The following MINAR1 variants were observed in gnomAD, a reference collection of about 807,000 sequenced individuals.
MINAR1 encodes major intrinsically disordered Notch2-binding receptor 1.
In MINAR1, 40 loss-of-function variants were observed where a neutral mutation model predicts 65.1. The observed-to-expected ratio is 0.61, with a 90% CI of 0.48 to 0.80. The LOEUF (loss-of-function observed/expected upper bound fraction) is 0.80. Among genes scored for constraint, MINAR1 ranks in the 30% least tolerant of loss-of-function variants. MINAR1 has a pLI of 0.00. For missense variants in MINAR1, 1,128 were observed against 1,148.0 expected (o/e 0.98, Z 0.25); for synonymous variants, 482 against 449.1 (o/e 1.07, Z -0.93).
At position 79,457,288 on chromosome 15, in the gene MINAR1, C is replaced by T. The variant is rs373558330; in HGVS notation, c.1141C>T (p.Arg381Trp). 1.7e-5 allele frequency: 27 copies of T among 1,614,028 alleles called. No homozygotes were observed. Among genetic ancestry groups the T allele is most frequent in the Admixed American group, 8.3e-5 (5 of 60,002 alleles). The stretch of plus-strand genomic sequence containing the variant: ...CACAGAGGAAGTTCCTGACTTTGAA[C>T]GGTCCTTTTTCAATAGAAATCCCTC... ...LNTEEVPDFE[R>W]SFFNRNPSEE... Residue 381 changes from arginine (R) to tryptophan (W), a missense_variant, in exon 2 of 4, where the codon CGG becomes TGG. Coordinates refer to ENST00000305428, the MANE Select transcript of MINAR1 (RefSeq NM_015206.3).
At chr15:79,431,042 A>T (rs1220254891), upstream of MINAR1, among the ~76,000 whole-genome samples, 2 of 152,156 alleles carry the variant, frequency 1.3e-5, no homozygotes, top group African/African-American at 4.8e-5. Context: ...GCGTCCCCCC[A>T]GGGCCTTTGC....
chr15:79,453,199 C>T (rs541211134), intron 1 of MINAR1, among the ~76,000 whole-genome samples: 37 of 152,174 alleles, frequency 2.4e-4, no homozygotes, highest in African/African-American at 8.7e-4. Flanking sequence ...CATGTAAGGC[C>T]TCAGCACATA....
At chr15:79,442,622 A>C (rs1233704713) in intron 1 of MINAR1, among the ~76,000 whole-genome samples, 1 of 151,654 alleles carries the variant, frequency 6.6e-6, no homozygotes, top group Non-Finnish European at 1.5e-5. Flanking sequence ...TTCCAACAAA[A>C]CATAAACAAT....
rs199885939 is a variant in MINAR1, at chr15:79,456,335, C to T, written c.188C>T (p.Thr63Met). 1.6e-5 allele frequency: 26 copies of T among 1,614,032 alleles called. No individual in the cohort carries two copies. The highest frequency in any genetic ancestry group is 3.3e-5 in the Admixed American group (2 of 60,006). Residue 63 changes from threonine (T) to methionine (M), a missense_variant, in exon 2 of 4, where the codon ACG (threonine) becomes ATG (methionine). Thr to Met is a moderately conservative substitution (Grantham distance 81). Coordinates refer to ENST00000305428, the MANE Select transcript of MINAR1 (RefSeq NM_015206.3). Reference protein sequence around the residue: ...TACLDPNFPATLFKDKMKCTV... With the variant: ...TACLDPNFPAMLFKDKMKCTV... Reference sequence around the variant, plus strand: ...TGTCTCGATCCCAATTTTCCAGCCACGCTATTCAAAGACAAGATGAAATGC... The same window carrying T: ...TGTCTCGATCCCAATTTTCCAGCCATGCTATTCAAAGACAAGATGAAATGC...
intron 3 of MINAR1, chr15:79,463,794 G>T: frequency 4.4e-6 from 2 of 454,696 alleles, no homozygotes; most frequent in Non-Finnish European, 8.9e-6. Context: ...TGTGAATGCA[G>T]TTGTGGCTGG....
At chr15:79,441,789 A>T (rs1894875550) in intron 1 of MINAR1, among the ~76,000 whole-genome samples, 1 of 152,122 alleles carries the variant, frequency 6.6e-6, no homozygotes. Context: ...AACCCTTAAT[A>T]ATAGTCAGAA....
chr15:79,465,024 C>T (rs958960712), intron 3 of MINAR1, among the ~76,000 whole-genome samples: 2 of 152,140 alleles, frequency 1.3e-5, no homozygotes, highest in Non-Finnish European at 2.9e-5. Context: ...AAGATTTACC[C>T]CCTACAGATA....
intron 1 of MINAR1, among the ~76,000 whole-genome samples, chr15:79,455,199 T>C (rs919559541): frequency 6.6e-6 from 1 of 152,224 alleles, no homozygotes; most frequent in Non-Finnish European, 1.5e-5. Context: ...AGATTACTAA[T>C]TCAGAAAAAA....
chr15:79,465,697 GAGA>G (rs775271990), intron 3 of MINAR1, among the ~76,000 whole-genome samples: 3 of 152,070 alleles, frequency 2.0e-5, no homozygotes, highest in South Asian at 2.1e-4. Flanking sequence ...TAGGATGACT[GAGA>G]AGAAGAGCAG....
At chr15:79,424,747 A>C in the MINAR1 span, 2 of 152,176 alleles carry the variant, frequency 1.3e-5, no homozygotes, top group Non-Finnish European at 2.9e-5. Flanking sequence ...CACTTGGCAA[A>C]TATTTACTGA....
the MINAR1 span, chr15:79,417,053 C>T: frequency 6.6e-6 from 1 of 152,206 alleles, no homozygotes; most frequent in African/African-American, 2.4e-5. Context: ...ACACAGGTAC[C>T]GTGAGCTCAC....
In MINAR1 at chr15:79,457,348, C is replaced by G; in HGVS notation, c.1201C>G (p.Gln401Glu). 1 of 1,614,164 alleles carries G rather than the reference C, an allele frequency of 6.2e-7. No homozygotes were observed. The highest frequency in any genetic ancestry group is 2.2e-5 in the East Asian group (1 of 44,880). Residue 401 changes from glutamine (Q) to glutamate (E), a missense_variant, in exon 2 of 4, where the codon CAG (glutamine) becomes GAG (glutamate). Gln to Glu is a conservative substitution (Grantham distance 29). Coordinates refer to ENST00000305428, the MANE Select transcript of MINAR1 (RefSeq NM_015206.3). ...GCTACACTATCCAAATGCCAGTAGC[C>G]AGACCCCCAATTTCCCAGCCCCAGA... ...EKLHYPNASS[Q>E]TPNFPAPERR...
intron 1 of MINAR1, among the ~76,000 whole-genome samples, chr15:79,432,926 C>T (rs1429499085): frequency 6.6e-6 from 1 of 152,198 alleles, no homozygotes; most frequent in African/African-American, 2.4e-5. Context: ...GTGCAAAAAG[C>T]CTGACACATC....
chr15:79,425,276 G>C, the MINAR1 span: 1 of 152,130 alleles, frequency 6.6e-6, no homozygotes, highest in Non-Finnish European at 1.5e-5. Flanking sequence ...CTGACTTCAG[G>C]TGATCTGCCC....
Position 79,472,017 on chromosome 15 carries a change from T to TAA in MINAR1, c.*3636_*3637dup, listed in dbSNP as rs748224517. ...AACTTCCTTATTTATGCCTTATGAA[T>TAA]AAAAGAGTGTGGAATGTAAGGTGAA... On this transcript the variant is annotated 3_prime_UTR_variant, in exon 4 of 4. Transcript: ENST00000305428. 6.6e-6 allele frequency: 1 copy of TAA among 152,146 alleles called. No individual in the cohort carries two copies. Among genetic ancestry groups the TAA allele is most frequent in the South Asian group, 2.1e-4 (1 of 4,820 alleles). 9.4% of individuals were successfully genotyped at this position (152,146 alleles called of 1,614,324 possible). A position where few individuals can be genotyped will look rare whatever the true frequency, so the allele number is the denominator to read the frequency against.
intron 1 of MINAR1, among the ~76,000 whole-genome samples, chr15:79,440,672 C>T (rs1205090168): frequency 6.6e-6 from 1 of 152,156 alleles, no homozygotes; most frequent in African/African-American, 2.4e-5. Context: ...CCGCTCCTCC[C>T]CACCACCCAG....
At chr15:79,415,174 G>C in the MINAR1 span, 1 of 152,252 alleles carries the variant, frequency 6.6e-6, no homozygotes, top group African/African-American at 2.4e-5. Flanking sequence ...TGCCAAGTAG[G>C]ACAGAGTGGG....
chr15:79,437,172 C>G (rs1894625252), intron 1 of MINAR1, among the ~76,000 whole-genome samples: 1 of 152,194 alleles, frequency 6.6e-6, no homozygotes, highest in African/African-American at 2.4e-5. Context: ...ATCCTGGCAG[C>G]CTAAAAGACT....
rs1425837835 is a variant in MINAR1 at position 79,456,455 on chromosome 15, A to G, written c.308A>G (p.Glu103Gly). The part of the protein sequence containing the change: ...LIQMNGGAAK[E>G]KLPTGRQKVR... ...CAAATGAATGGCGGGGCTGCCAAGG[A>G]GAAGCTGCCCACGGGCCGCCAGAAG... The change falls in exon 2 of 4, where the codon GAG (glutamate) becomes GGG (glycine). Residue 103 changes from glutamate (E) to glycine (G), a missense_variant. Physicochemically the swap from Glu to Gly is moderately conservative, Grantham distance 98. Transcript: ENST00000305428. 1 of 1,614,082 alleles carries G rather than the reference A, an allele frequency of 6.2e-7. No individual in the cohort carries two copies. Among genetic ancestry groups the G allele is most frequent in the Non-Finnish European group, 8.5e-7 (1 of 1,180,048 alleles).
Sources: allele counts gnomAD v4.1 joint callset (sites outside exome capture counted in the v4.1 genomes callset), GRCh38; gene constraint gnomAD v4.1.1; transcripts MANE v1.5; gene names NCBI Gene and HGNC (gene_info 2026-07-23, HGNC 2026-07-21).